The following CTNNA3 variants were observed in gnomAD, a reference collection of about 807,000 sequenced individuals.
CTNNA3 encodes the protein catenin alpha-3.
Under a neutral mutation model 95.7 loss-of-function variants are expected in CTNNA3, and 76 were observed. That is an observed-to-expected ratio of 0.79 (90% CI 0.66 to 0.96). CTNNA3 has a LOEUF of 0.96. Among genes scored for constraint, CTNNA3 ranks in the 40% least tolerant of loss-of-function variants. The probability of loss-of-function intolerance (pLI) is 0.00; values close to 1 mark genes in which losing one functional copy is unlikely to be tolerated. For synonymous variants in CTNNA3, 431 were observed against 374.4 expected (o/e 1.15, Z -1.74); for missense variants, 1,191 against 1,089.8 (o/e 1.09, Z -1.31).
intron 7 of CTNNA3, among the ~76,000 whole-genome samples, chr10:66,884,240 A>T (rs1445271639): frequency 6.6e-6 from 1 of 152,146 alleles, no homozygotes; most frequent in Non-Finnish European, 1.5e-5. Context: ...TGAAGTTTAA[A>T]GGGGAAAAAA....
At position 67,394,264 on chromosome 10, in the gene CTNNA3, G is replaced by C. The variant is rs116993264; in HGVS notation, c.579+127578C>G. On this transcript the variant is annotated intron_variant, in intron 5 of 17. Coordinates refer to ENST00000433211, the MANE Select transcript of CTNNA3 (RefSeq NM_013266.4). ...TATATCTCAGTATTTAAGGTACACC[G>C]TATCAATAATGGAGCATGAATAGAA... Among the ~76,000 whole-genome samples, 1,339 of 150,558 alleles carry C rather than the reference G, an allele frequency of 8.9e-3. 54 individuals carry two copies. In the South Asian group the frequency reaches 0.1, roughly 11 times the overall value.
chr10:66,658,461 T>C (rs993909512), intron 9 of CTNNA3, among the ~76,000 whole-genome samples: 33 of 152,152 alleles, frequency 2.2e-4, no homozygotes, highest in African/African-American at 7.7e-4. Context: ...CTTTTAAAAT[T>C]CCTGAACAAC....
chr10:67,247,633 G>A (rs1023300672), intron 5 of CTNNA3, among the ~76,000 whole-genome samples: 4 of 152,002 alleles, frequency 2.6e-5, no homozygotes, highest in Non-Finnish European at 4.4e-5. Flanking sequence ...CTGTGTTTTT[G>A]CAGATCCTAA....
chr10:66,361,834 A>T (rs150827677), intron 12 of CTNNA3, among the ~76,000 whole-genome samples: 7 of 152,152 alleles, frequency 4.6e-5, no homozygotes, highest in African/African-American at 1.7e-4. Flanking sequence ...CACCATGCCC[A>T]ACCTAACCAT....
At chr10:66,025,157 C>G (rs140247113) in intron 15 of CTNNA3, among the ~76,000 whole-genome samples, 20 of 152,338 alleles carry the variant, frequency 1.3e-4, no homozygotes, top group African/African-American at 4.3e-4. Context: ...ATTTGTCCAC[C>G]ATTGCAGACA....
chr10:66,852,378 AC>A (rs1238386468), intron 7 of CTNNA3, among the ~76,000 whole-genome samples: 1 of 152,190 alleles, frequency 6.6e-6, no homozygotes, highest in Non-Finnish European at 1.5e-5. Flanking sequence ...TTAGTGCTAG[AC>A]TATTAGGTCT....
intron 5 of CTNNA3, among the ~76,000 whole-genome samples, chr10:67,470,642 AACAC>A (rs10695283): frequency 2.6e-3 from 390 of 148,656 alleles, no homozygotes; most frequent in Non-Finnish European, 4.4e-3. Context: ...GCAAGTTTGC[AACAC>A]ACACACACAC....
chr10:67,513,767 C>A (rs1381585009), intron 5 of CTNNA3, among the ~76,000 whole-genome samples: 1 of 152,166 alleles, frequency 6.6e-6, no homozygotes, highest in East Asian at 1.9e-4. Flanking sequence ...GAAGAGATTT[C>A]TGCAGCCAGT....
chr10:66,218,093 T>C (rs1481289231), intron 13 of CTNNA3, among the ~76,000 whole-genome samples: 1 of 152,190 alleles, frequency 6.6e-6, no homozygotes, highest in African/African-American at 2.4e-5. Context: ...TCTCTCACTT[T>C]GCTGAAAGTT....
chr10:66,928,037 C>T, intron 7 of CTNNA3: 17 of 1,614,100 alleles, frequency 1.1e-5, no homozygotes, highest in Non-Finnish European at 1.4e-5. Context: ...CTGGCCAGGG[C>T]TCTCCCAAAG....
rs375266280 is a variant in CTNNA3, at chr10:67,258,413, C to T, written c.580-38543G>A. 1.2e-3 allele frequency among the ~76,000 whole-genome samples: 189 copies of T among 152,054 alleles called. 7 individuals are homozygous for T. In the South Asian group the frequency reaches 0.037, roughly 30 times the overall value. ...CTCGCCATGACCTCCCAAAGTGCTG[C>T]GATTACAGGTGTGAGCCACAGTGCC... is the stretch of plus-strand genomic sequence containing the variant. On this transcript the variant is annotated intron_variant, in intron 5 of 17. Transcript: ENST00000433211.
At chr10:66,375,473 C>G (rs917913918) in intron 12 of CTNNA3, among the ~76,000 whole-genome samples, 6 of 151,952 alleles carry the variant, frequency 3.9e-5, no homozygotes, top group African/African-American at 1.4e-4. Flanking sequence ...TGAGTCATAC[C>G]TAGTATGTAG....
chr10:65,958,837 T>C (rs565398693), intron 17 of CTNNA3, among the ~76,000 whole-genome samples: 2 of 152,254 alleles, frequency 1.3e-5, no homozygotes, highest in African/African-American at 2.4e-5. Flanking sequence ...CTACTCAGGG[T>C]TCAGAGACCC....
At chr10:66,932,261 G>C (rs904931758) in intron 7 of CTNNA3, among the ~76,000 whole-genome samples, 3 of 152,122 alleles carry the variant, frequency 2.0e-5, no homozygotes, top group African/African-American at 4.8e-5. Context: ...TTGGCAAGAG[G>C]TTTTAGGATG....
chr10:67,097,474 G>A (rs185348201), intron 7 of CTNNA3: 2 of 865,448 alleles, frequency 2.3e-6, no homozygotes, highest in South Asian at 3.1e-5. Flanking sequence ...TGGGCCACAG[G>A]GCCACAGATA....
At chr10:67,133,774 G>T (rs1469683578) in intron 7 of CTNNA3, among the ~76,000 whole-genome samples, 1 of 152,026 alleles carries the variant, frequency 6.6e-6, no homozygotes, top group Non-Finnish European at 1.5e-5. Context: ...CCATATGAAG[G>T]AGAGCTGAAA....
intron 3 of CTNNA3, among the ~76,000 whole-genome samples, chr10:67,583,430 T>G (rs907610961): frequency 3.3e-5 from 5 of 152,248 alleles, no homozygotes; most frequent in African/African-American, 1.2e-4. Flanking sequence ...AGAGATCCAC[T>G]GTTTGTCTGA....
At chr10:66,427,902 A>G (rs2093256813) in intron 11 of CTNNA3, among the ~76,000 whole-genome samples, 1 of 152,108 alleles carries the variant, frequency 6.6e-6, no homozygotes, top group Non-Finnish European at 1.5e-5. Context: ...ACACATAACA[A>G]TATTAACCTT....
chr10:66,264,307 C>A (rs751367782), intron 13 of CTNNA3, among the ~76,000 whole-genome samples: 17 of 151,868 alleles, frequency 1.1e-4, no homozygotes, highest in Non-Finnish European at 1.6e-4. Context: ...ATTTGTTTCC[C>A]AATTTCCTTC....
Sources: allele counts gnomAD v4.1 joint callset (sites outside exome capture counted in the v4.1 genomes callset), GRCh38; gene constraint gnomAD v4.1.1; transcripts MANE v1.5; gene names NCBI Gene and HGNC (gene_info 2026-07-23, HGNC 2026-07-21).